Variants in NFIB observed in about 807,000 individuals in gnomAD.
NFIB encodes nuclear factor I B.
NFIB carries 11 observed loss-of-function variants against 61.5 expected under a neutral mutation model. The ratio of observed to expected loss-of-function variants is 0.18; its 90% CI spans 0.11 to 0.30. The LOEUF is 0.30. Among genes scored for constraint, NFIB ranks in the 10% least tolerant of loss-of-function variants. The pLI is 1.00. For synonymous variants in NFIB, 260 were observed against 216.5 expected, an observed-to-expected ratio of 1.20 and a Z score of -1.76; for missense variants, 471 against 608.9, an observed-to-expected ratio of 0.77 and a Z score of 2.38.
chr9:14,183,594 G>A (rs1018381894), intron 2 of NFIB, among the ~76,000 whole-genome samples: 9 of 151,806 alleles, frequency 5.9e-5, no homozygotes, highest in Non-Finnish European at 1.2e-4. Context: ...TGGTAGAGAC[G>A]GGGTTTCACC....
intron 3 of NFIB, among the ~76,000 whole-genome samples, 194 bp downstream of exon 3, chr9:14,179,533 G>C (rs150771727): frequency 1.3e-5 from 2 of 152,290 alleles, no homozygotes; most frequent in Admixed American, 6.5e-5. Flanking sequence ...TTGGTGATTA[G>C]GTAAATACTG....
intron 1 of NFIB, chr9:14,398,472 T>C (rs2061709850): frequency 1.5e-6 from 2 of 1,301,980 alleles, no homozygotes; most frequent in Non-Finnish European, 2.1e-6. Flanking sequence ...GTCTAAGAAG[T>C]TGGGACCTAT....
chr9:14,374,145 T>C (rs2061390400), intron 1 of NFIB, among the ~76,000 whole-genome samples: 1 of 152,242 alleles, frequency 6.6e-6, no homozygotes, highest in South Asian at 2.1e-4. Context: ...TGAGTGAATA[T>C]AACATTTTCC....
At chr9:14,184,562 T>G (rs575609621) in intron 2 of NFIB, among the ~76,000 whole-genome samples, 69 of 152,280 alleles carry the variant, frequency 4.5e-4, no homozygotes, top group African/African-American at 1.5e-3. Flanking sequence ...GTGGAAGCTC[T>G]GTAAGATGTG....
chr9:14,425,360 T>C, the NFIB span, among the ~76,000 whole-genome samples: 1 of 152,082 alleles, frequency 6.6e-6, no homozygotes, highest in Non-Finnish European at 1.5e-5. Flanking sequence ...CTGCCTTTAG[T>C]ATTTGTACCA....
intron 2 of NFIB, among the ~76,000 whole-genome samples, chr9:14,247,935 C>CTA (rs2055119482): frequency 7.2e-6 from 1 of 138,144 alleles, no homozygotes; most frequent in Non-Finnish European, 1.6e-5. Flanking sequence ...TTCTTTTTTT[C>CTA]TTTTTTTTTT....
At chr9:14,514,590 T>C in the NFIB span, among the ~76,000 whole-genome samples, 1 of 152,088 alleles carries the variant, frequency 6.6e-6, no homozygotes, top group Non-Finnish European at 1.5e-5. Flanking sequence ...ACCTAAATAA[T>C]GGTATGTTAG....
intron 3 of NFIB, among the ~76,000 whole-genome samples, chr9:14,165,587 A>G (rs10117741): frequency 0.068 from 10,284 of 152,254 alleles, 1,015 homozygotes; most frequent in African/African-American, 0.22. Flanking sequence ...CTAATAATAA[A>G]TCTAAGCACA....
chr9:14,497,926 G>C, the NFIB span, among the ~76,000 whole-genome samples: 1 of 152,202 alleles, frequency 6.6e-6, no homozygotes, highest in Non-Finnish European at 1.5e-5. Flanking sequence ...GTCAAGTTCA[G>C]AGATGGAGGA....
the NFIB span, among the ~76,000 whole-genome samples, chr9:14,522,461 T>C: frequency 6.6e-6 from 1 of 152,182 alleles, no homozygotes; most frequent in Non-Finnish European, 1.5e-5. Context: ...ATTTCTTCTA[T>C]GTATGGATAA....
chr9:14,175,162 AATTTC>A (rs2046024414), intron 3 of NFIB, among the ~76,000 whole-genome samples: 1 of 66,822 alleles, frequency 1.5e-5, no homozygotes, highest in Non-Finnish European at 3.5e-5. Context: ...TGACTTAAAG[AATTTC>A]TTTTTTTTTT....
At chr9:14,451,439 C>G in the NFIB span, among the ~76,000 whole-genome samples, 6 of 152,252 alleles carry the variant, frequency 3.9e-5, no homozygotes, top group East Asian at 1.2e-3. Context: ...TATTGATCAA[C>G]TCTTGGCCAA....
chr9:14,406,551 G>C, the NFIB span, among the ~76,000 whole-genome samples: 1 of 152,128 alleles, frequency 6.6e-6, no homozygotes, highest in African/African-American at 2.4e-5. Context: ...GTGTGTAGAA[G>C]GAAACATGAC....
At chr9:14,503,295 G>A in the NFIB span, among the ~76,000 whole-genome samples, 1 of 151,906 alleles carries the variant, frequency 6.6e-6, no homozygotes, top group Non-Finnish European at 1.5e-5. Flanking sequence ...GTTTTCCTCT[G>A]GGTAGATAAC....
intron 2 of NFIB, among the ~76,000 whole-genome samples, chr9:14,235,485 C>A (rs1245838037): frequency 1.3e-5 from 2 of 152,216 alleles, no homozygotes; most frequent in African/African-American, 4.8e-5. Context: ...TATACTATCT[C>A]ACCCTAAAAG....
intron 1 of NFIB, among the ~76,000 whole-genome samples, chr9:14,396,432 T>C (rs2061687797): frequency 1.3e-5 from 2 of 152,144 alleles, no homozygotes; most frequent in African/African-American, 4.8e-5. Flanking sequence ...ATGGGAGCTC[T>C]CCATTGAGTC....
At chr9:14,392,044 C>T (rs765203355) in intron 1 of NFIB, among the ~76,000 whole-genome samples, 1 of 152,082 alleles carries the variant, frequency 6.6e-6, no homozygotes, top group African/African-American at 2.4e-5. Flanking sequence ...ACCCATCACC[C>T]GGTATAATCA....
At chr9:14,118,186 G>A (rs1005895011) in intron 8 of NFIB, among the ~76,000 whole-genome samples, 1 of 151,924 alleles carries the variant, frequency 6.6e-6, no homozygotes. Flanking sequence ...ATCCATTTCT[G>A]GTTATCTGAA....
At chr9:14,104,291 A>G (rs2036225098) in intron 10 of NFIB, among the ~76,000 whole-genome samples, 1 of 152,210 alleles carries the variant, frequency 6.6e-6, no homozygotes, top group African/African-American at 2.4e-5. Flanking sequence ...AAATCAGATG[A>G]CATACTTTCA....
Sources: gnomAD v4.1 joint callset for allele counts (sites outside exome capture counted in the v4.1 genomes callset) on GRCh38, gnomAD v4.1.1 for gene constraint, MANE v1.5 for transcripts, NCBI Gene and HGNC (gene_info 2026-07-23, HGNC 2026-07-21) for gene names.